Variants in TMEM232 observed in about 807,000 individuals in gnomAD.
TMEM232 encodes transmembrane protein 232.
Under a neutral mutation model 78.8 loss-of-function variants are expected in TMEM232, and 80 were observed. That is an observed-to-expected ratio of 1.01 (90% CI 0.85 to 1.22). The LOEUF (loss-of-function observed/expected upper bound fraction) is 1.22. TMEM232 is among the 50% of genes most tolerant of loss of function. The pLI is 0.00. For missense variants in TMEM232, 881 were observed against 742.2 expected (o/e 1.19, Z -2.17); for synonymous variants, 297 against 254.3 (o/e 1.17, Z -1.60).
chr5:110,738,134 C>G (rs773648209), upstream of TMEM232: 3 of 1,020,384 alleles, frequency 2.9e-6, no homozygotes, highest in Non-Finnish European at 3.8e-6. Flanking sequence ...TGGAAAAGCT[C>G]TAGGAATCCT....
intron 12 of TMEM232, among the ~76,000 whole-genome samples, chr5:110,487,736 T>C: frequency 6.6e-6 from 1 of 152,100 alleles, no homozygotes; most frequent in East Asian, 1.9e-4. Context: ...TTAGCATCTA[T>C]ATTCAAAGAT....
rs185040598 is a variant in TMEM232 at position 110,591,201 on chromosome 5, C to T, written c.1276+13908G>A. On this transcript the variant is annotated intron_variant, in intron 10 of 13. Coordinates refer to ENST00000455884, the MANE Select transcript of TMEM232 (RefSeq NM_001039763.4). ...GGCCAAGCGTGGTGTCTCACGCCTA[C>T]AATCTCAGTACTCTGAGAGGCCCAA... is the stretch of plus-strand genomic sequence containing the variant. Among the ~76,000 whole-genome samples, 184 of 152,274 alleles carry T rather than the reference C, an allele frequency of 1.2e-3. 1 individual carries two copies. Among genetic ancestry groups the T allele is most frequent in the African/African-American group, 4.3e-3 (179 of 41,562 alleles).
At chr5:110,668,718 A>G (rs1232167021) in intron 1 of TMEM232, among the ~76,000 whole-genome samples, 1 of 152,184 alleles carries the variant, frequency 6.6e-6, no homozygotes, top group Non-Finnish European at 1.5e-5. Context: ...AATTGACCAC[A>G]TAGTTGGAAG....
intron 1 of TMEM232, among the ~76,000 whole-genome samples, chr5:110,713,704 G>A (rs988615398): frequency 6.6e-5 from 10 of 152,046 alleles, no homozygotes; most frequent in South Asian, 2.1e-4. Context: ...AAAAGACCAC[G>A]AGATCTATGG....
At chr5:110,728,454 A>C (rs1364337169), upstream of TMEM232, among the ~76,000 whole-genome samples, 1 of 151,862 alleles carries the variant, frequency 6.6e-6, no homozygotes, top group Non-Finnish European at 1.5e-5. Context: ...AGCAACAATA[A>C]ATCTCAGAGG....
chr5:110,399,175 T>G (rs1755500334), intron 2 of TMEM232, among the ~76,000 whole-genome samples: 1 of 152,056 alleles, frequency 6.6e-6, no homozygotes, highest in South Asian at 2.1e-4. Flanking sequence ...AGAGGACAAC[T>G]ATAAGAAGTA....
intron 4 of TMEM232, among the ~76,000 whole-genome samples, chr5:110,388,363 C>G (rs909565840): frequency 5.3e-5 from 8 of 152,100 alleles, no homozygotes; most frequent in African/African-American, 1.9e-4. Context: ...TTGAACATAC[C>G]TAGTCCCAGG....
At chr5:110,552,660 G>T (rs764665317) in intron 11 of TMEM232, among the ~76,000 whole-genome samples, 26 of 151,830 alleles carry the variant, frequency 1.7e-4, no homozygotes, top group Admixed American at 3.3e-4. Context: ...ATAATAATAA[G>T]GACTCAAGCT....
intron 1 of TMEM232, among the ~76,000 whole-genome samples, chr5:110,707,989 G>C (rs1425486601): frequency 1.3e-5 from 2 of 152,114 alleles, no homozygotes; most frequent in African/African-American, 4.8e-5. Context: ...AGAGCCCTTG[G>C]GTTCTAAATA....
chr5:110,505,127 C>G (rs911493349), intron 12 of TMEM232, among the ~76,000 whole-genome samples: 4 of 152,100 alleles, frequency 2.6e-5, no homozygotes, highest in African/African-American at 9.7e-5. Context: ...AGTTCTTATA[C>G]TAACTCTGAT....
chr5:110,406,002 G>GA (rs2112575314), intron 2 of TMEM232, among the ~76,000 whole-genome samples: 1 of 151,792 alleles, frequency 6.6e-6, no homozygotes, highest in African/African-American at 2.4e-5. Context: ...AAAAGAAAGA[G>GA]AAAATCTTAA....
intron 3 of TMEM232, among the ~76,000 whole-genome samples, chr5:110,395,405 G>GTAA (rs1257171760): frequency 3.2e-4 from 48 of 152,226 alleles, no homozygotes; most frequent in African/African-American, 1.0e-3. Context: ...TCAGCCCACA[G>GTAA]TTGACCTTTA....
At chr5:110,690,953 G>A (rs112906371) in intron 1 of TMEM232, among the ~76,000 whole-genome samples, 5,184 of 151,478 alleles carry the variant, frequency 0.034, 107 homozygotes, top group African/African-American at 0.066. Context: ...GGAGGGGAAC[G>A]TCAAACACTA....
chr5:110,544,951 G>GT (rs1365272920), intron 11 of TMEM232, among the ~76,000 whole-genome samples: 1 of 152,040 alleles, frequency 6.6e-6, no homozygotes, highest in Non-Finnish European at 1.5e-5. Context: ...GGGACTAAAT[G>GT]GAAATATCAA....
chr5:110,421,199 T>C (rs1756601575), intron 13 of TMEM232, among the ~76,000 whole-genome samples: 2 of 151,922 alleles, frequency 1.3e-5, no homozygotes, highest in South Asian at 4.1e-4. Context: ...ATGAAATTAA[T>C]GGTCAGGTAA....
chr5:110,618,243 G>A (rs1783189205), intron 8 of TMEM232, among the ~76,000 whole-genome samples, 186 bp downstream of exon 8: 1 of 152,048 alleles, frequency 6.6e-6, no homozygotes, highest in Non-Finnish European at 1.5e-5. Flanking sequence ...GAAAAAGAGA[G>A]AAACGATGTA....
chr5:110,625,039 A>G (rs1337918163), intron 7 of TMEM232, among the ~76,000 whole-genome samples: 1 of 152,018 alleles, frequency 6.6e-6, no homozygotes, highest in East Asian at 1.9e-4. Context: ...TACCCCATTT[A>G]AAGTAGTAGA....
chr5:110,664,870 C>T (rs1790345588), intron 2 of TMEM232, among the ~76,000 whole-genome samples: 3 of 152,208 alleles, frequency 2.0e-5, no homozygotes, highest in Admixed American at 2.0e-4. Context: ...TTCCTAATAC[C>T]ATCACATTGG....
At chr5:110,524,175 A>G (rs1174394547) in intron 12 of TMEM232, among the ~76,000 whole-genome samples, 1 of 150,072 alleles carries the variant, frequency 6.7e-6, no homozygotes, top group African/African-American at 2.4e-5. Flanking sequence ...AGGCATAAGA[A>G]TTGCTTGAAC....
Sources: gnomAD v4.1 joint callset for allele counts (sites outside exome capture counted in the v4.1 genomes callset) on GRCh38, gnomAD v4.1.1 for gene constraint, MANE v1.5 for transcripts, NCBI Gene and HGNC (gene_info 2026-07-23, HGNC 2026-07-21) for gene names.